CSGALNACT1: variants seen among roughly 807,000 people sequenced by gnomAD.
The protein encoded by CSGALNACT1 is chondroitin sulfate N-acetylgalactosaminyltransferase 1.
A neutral mutation model predicts 51.0 loss-of-function variants in CSGALNACT1; 52 were observed. That is an observed-to-expected ratio of 1.02 (90% CI 0.82 to 1.29). The LOEUF (loss-of-function observed/expected upper bound fraction) is 1.29, where lower values mean the gene tolerates loss of function less well. CSGALNACT1 is among the 50% of genes most tolerant of loss of function. The probability of loss-of-function intolerance (pLI) is 0.00; values close to 1 mark genes in which losing one functional copy is unlikely to be tolerated. For missense variants in CSGALNACT1, 935 were observed against 679.2 expected (o/e 1.38, Z -4.19); for synonymous variants, 341 against 254.4 (o/e 1.34, Z -3.24).
At chr8:19,464,924 A>G (rs1359267302) in intron 4 of CSGALNACT1, among the ~76,000 whole-genome samples, 1 of 152,202 alleles carries the variant, frequency 6.6e-6, no homozygotes, top group Non-Finnish European at 1.5e-5. Context: ...TGCGGAATGC[A>G]GTTTGGTACT....
At chr8:19,667,036 G>GAAGGAAGA (rs1206279523) in intron 1 of CSGALNACT1, among the ~76,000 whole-genome samples, 1 of 28,460 alleles carries the variant, frequency 3.5e-5, no homozygotes, top group Admixed American at 3.6e-4. Flanking sequence ...AGGAAGGAAG[G>GAAGGAAGA]AAGGAAGAAA....
At chr8:19,681,345 C>T (rs2060603181) in intron 1 of CSGALNACT1, among the ~76,000 whole-genome samples, 1 of 152,110 alleles carries the variant, frequency 6.6e-6, no homozygotes, top group Non-Finnish European at 1.5e-5. Flanking sequence ...CCAGCAGATC[C>T]ATAAATGCAG....
At chr8:19,666,939 G>A (rs1281999045) in intron 1 of CSGALNACT1, among the ~76,000 whole-genome samples, 1 of 123,144 alleles carries the variant, frequency 8.1e-6, no homozygotes, top group African/African-American at 3.2e-5. Flanking sequence ...CAGAGAGAGA[G>A]AGAAAAAGAA....
At chr8:19,414,599 A>G (rs1050247185) in intron 8 of CSGALNACT1, among the ~76,000 whole-genome samples, 13 of 126,078 alleles carry the variant, frequency 1.0e-4, no homozygotes, top group African/African-American at 3.6e-4. Flanking sequence ...ACACATACAC[A>G]CACACACACA....
At chr8:19,606,262 C>T (rs528082832), upstream of CSGALNACT1, among the ~76,000 whole-genome samples, 1 of 152,314 alleles carries the variant, frequency 6.6e-6, no homozygotes, top group East Asian at 1.9e-4. Flanking sequence ...TATATATACA[C>T]AAAATTTATA....
At chr8:19,522,767 T>C (rs944077430) in intron 3 of CSGALNACT1, among the ~76,000 whole-genome samples, 8 of 152,198 alleles carry the variant, frequency 5.3e-5, no homozygotes, top group African/African-American at 1.9e-4. Flanking sequence ...ATTGCAATTT[T>C]CCAGTAGCTC....
At chr8:19,469,669 C>G (rs796859944) in intron 4 of CSGALNACT1, among the ~76,000 whole-genome samples, 9 of 152,296 alleles carry the variant, frequency 5.9e-5, no homozygotes, top group African/African-American at 1.9e-4. Flanking sequence ...TCCTTCCTAC[C>G]ATGTAGGTCT....
At chr8:19,584,170 G>C (rs1034951408) in intron 3 of CSGALNACT1, among the ~76,000 whole-genome samples, 6 of 152,196 alleles carry the variant, frequency 3.9e-5, no homozygotes, top group African/African-American at 1.4e-4. Context: ...TACCTCTGCT[G>C]TTTTTTCATC....
intron 1 of CSGALNACT1, among the ~76,000 whole-genome samples, chr8:19,729,627 T>C (rs2063580955): frequency 6.6e-6 from 1 of 152,230 alleles, no homozygotes. Flanking sequence ...TGAAAGGCTT[T>C]AATTCATTTC....
chr8:19,564,033 C>T (rs762552601), intron 3 of CSGALNACT1, among the ~76,000 whole-genome samples: 1 of 152,210 alleles, frequency 6.6e-6, no homozygotes, highest in Non-Finnish European at 1.5e-5. Flanking sequence ...ATTTCCACCA[C>T]TGAGCACTGC....
chr8:19,661,325 G>T (rs1001377636), intron 1 of CSGALNACT1, among the ~76,000 whole-genome samples: 10 of 152,220 alleles, frequency 6.6e-5, no homozygotes, highest in African/African-American at 2.4e-4. Context: ...AGCATGTGAA[G>T]ATGAGTCACC....
intron 3 of CSGALNACT1, among the ~76,000 whole-genome samples, chr8:19,546,773 A>G (rs1344998167): frequency 6.6e-6 from 1 of 152,188 alleles, no homozygotes; most frequent in African/African-American, 2.4e-5. Flanking sequence ...GAAACCTAAA[A>G]AGCAAACACA....
At chr8:19,446,114 A>C (rs2062067079) in intron 5 of CSGALNACT1, among the ~76,000 whole-genome samples, 1 of 152,180 alleles carries the variant, frequency 6.6e-6, no homozygotes, top group Non-Finnish European at 1.5e-5. Context: ...GCTAGAGGTT[A>C]CAGTGAGCTG....
intron 3 of CSGALNACT1, among the ~76,000 whole-genome samples, chr8:19,542,212 C>CAG (rs1433747569): frequency 6.9e-6 from 1 of 144,506 alleles, no homozygotes; most frequent in East Asian, 1.9e-4. Context: ...CACACACACA[C>CAG]ACACACACAC....
chr8:19,705,221 A>C (rs538999944), intron 1 of CSGALNACT1, among the ~76,000 whole-genome samples: 1 of 152,316 alleles, frequency 6.6e-6, no homozygotes, highest in African/African-American at 2.4e-5. Flanking sequence ...CTTGGGGGAA[A>C]AACAAATAGA....
At chr8:19,480,824 A>G (rs1784774297) in intron 4 of CSGALNACT1, among the ~76,000 whole-genome samples, 1 of 152,142 alleles carries the variant, frequency 6.6e-6, no homozygotes, top group African/African-American at 2.4e-5. Context: ...TAGAAGCCAC[A>G]CCAACAACAC....
chr8:19,573,385 G>C lies in CSGALNACT1; in HGVS notation c.-297+17775C>G, dbSNP rs565060409. Among the ~76,000 whole-genome samples the C allele has an allele frequency of 5.9e-5, 9 of 152,258 alleles. No homozygotes were observed. In the East Asian group the frequency reaches 9.6e-4, roughly 16 times the overall value. ...GCACTGGATGAAAACCTTGGCAGGTGCCAGGACCTTTCTGTTCACTCTTAG... is the reference window on the plus strand; with the variant it reads ...GCACTGGATGAAAACCTTGGCAGGTCCCAGGACCTTTCTGTTCACTCTTAG... On this transcript the variant is annotated intron_variant, in intron 3 of 9. Coordinates refer to ENST00000454498, the Ensembl canonical transcript of CSGALNACT1.
intron 1 of CSGALNACT1, among the ~76,000 whole-genome samples, chr8:19,716,939 T>A (rs2062845574): frequency 6.6e-6 from 1 of 152,212 alleles, no homozygotes; most frequent in Admixed American, 6.5e-5. Flanking sequence ...ACTAAGGGTC[T>A]GCAATCCTAC....
intron 5 of CSGALNACT1, among the ~76,000 whole-genome samples, chr8:19,456,129 T>A (rs2064036109): frequency 1.3e-5 from 2 of 152,236 alleles, no homozygotes; most frequent in African/African-American, 4.8e-5. Context: ...CTCATTTGAC[T>A]ATTCTCAATG....
Sources: gnomAD v4.1 joint callset for allele counts (sites outside exome capture counted in the v4.1 genomes callset) on GRCh38, gnomAD v4.1.1 for gene constraint, MANE v1.5 for transcripts, NCBI Gene and HGNC (gene_info 2026-07-23, HGNC 2026-07-21) for gene names.